IGF2BP1: variants seen among roughly 807,000 people sequenced by gnomAD.
The protein encoded by IGF2BP1 is insulin-like growth factor 2 mRNA-binding protein 1.
In IGF2BP1, 11 loss-of-function variants were observed where a neutral mutation model predicts 74.9. The observed-to-expected ratio is 0.15, with a 90% confidence interval of 0.09 to 0.24. IGF2BP1 has a LOEUF of 0.24. Ranked by LOEUF, IGF2BP1 falls within the 10% of genes least tolerant of loss-of-function variation. The pLI is 1.00. For synonymous variants in IGF2BP1, 287 were observed against 281.8 expected (o/e 1.02, Z -0.18); for missense variants, 440 against 757.4 (o/e 0.58, Z 4.92).
At chr17:49,028,769 GTC>G in intron 4 of IGF2BP1, among the ~76,000 whole-genome samples, 1 of 152,236 alleles carries the variant, frequency 6.6e-6, no homozygotes, top group Middle Eastern at 3.4e-3. Flanking sequence ...TGTGAGTGAG[GTC>G]CATTCTTTCT....
intron 10 of IGF2BP1, 136 bp from the exon 11 acceptor site, chr17:49,043,831 C>A: frequency 8.0e-7 from 1 of 1,256,726 alleles, no homozygotes; most frequent in Non-Finnish European, 1.1e-6. Context: ...AAAGAGCTCA[C>A]AGCATCCCTT....
rs554994741 is a variant in IGF2BP1, at chr17:49,055,056, C to T, written c.*5612C>T. The T allele has an allele frequency of 1.9e-4, 29 of 149,148 alleles. No homozygotes were observed. Among genetic ancestry groups the T allele is most frequent in the African/African-American group, 7.0e-4 (28 of 40,156 alleles). 9.2% of individuals were successfully genotyped at this position (149,148 alleles called of 1,614,324 possible). ...TAGATAAATTAGGTAGTGGCAGCTC[C>T]ACTTGCTTAGGTTAGGGGGGGAAAA... On this transcript the variant is annotated 3_prime_UTR_variant, in exon 15 of 15. Coordinates refer to ENST00000290341, the MANE Select transcript of IGF2BP1 (RefSeq NM_006546.4).
intron 2 of IGF2BP1, among the ~76,000 whole-genome samples, chr17:49,018,657 C>CA (rs200722102): frequency 0.027 from 3,466 of 127,168 alleles, 98 homozygotes; most frequent in African/African-American, 0.082. Context: ...GGAACTGTTT[C>CA]AAAAAAAAAA....
intron 2 of IGF2BP1, among the ~76,000 whole-genome samples, chr17:49,001,363 C>T (rs944134015): frequency 1.3e-5 from 2 of 152,052 alleles, no homozygotes; most frequent in Admixed American, 6.6e-5. Flanking sequence ...CTTGTATTTT[C>T]CTTATGAACT....
chr17:49,041,394 C>T lies in IGF2BP1; in HGVS notation c.835C>T (p.Leu279=), dbSNP rs776746635. The change falls in exon 8 of 15, where the codon CTG becomes TTG. Residue 279 remains leucine, a synonymous_variant. Coordinates refer to ENST00000290341, the MANE Select transcript of IGF2BP1 (RefSeq NM_006546.4). ...KDTKTADEVP[L]KILAHNNFVG... is the part of the protein sequence containing the mutation. ...CTTCCCAAGGGCTGACGAGGTTCCCCTGAAGATCCTGGCCCATAATAACTT... is the reference window on the plus strand; with the variant it reads ...CTTCCCAAGGGCTGACGAGGTTCCCTTGAAGATCCTGGCCCATAATAACTT... 4 of 1,614,002 alleles carry T rather than the reference C, an allele frequency of 2.5e-6. No individual in the cohort carries two copies. The highest frequency in any genetic ancestry group is 3.4e-6 in the Non-Finnish European group (4 of 1,180,014).
chr17:49,043,994 G>A lies in IGF2BP1; in HGVS notation c.1228G>A (p.Val410Met), dbSNP rs746705512. The A allele has an allele frequency of 1.9e-6, 3 of 1,614,098 alleles. No homozygotes were observed. Among genetic ancestry groups the A allele is most frequent in the Non-Finnish European group, 2.5e-6 (3 of 1,180,020 alleles). ...GGCTCCCGAGCAGGAGATGGTGCAGGTGTTTATCCCCGCCCAGGCAGTGGG... is the reference window on the plus strand; with the variant it reads ...GGCTCCCGAGCAGGAGATGGTGCAGATGTTTATCCCCGCCCAGGCAGTGGG... Reference protein sequence around the residue: ...MQAPEQEMVQVFIPAQAVGAI... With the variant: ...MQAPEQEMVQMFIPAQAVGAI... Residue 410 changes from valine to methionine, a missense_variant, in exon 11 of 15, where the codon GTG becomes ATG. Coordinates refer to ENST00000290341, the MANE Select transcript of IGF2BP1 (RefSeq NM_006546.4).
intron 7 of IGF2BP1, among the ~76,000 whole-genome samples, 175 bp from the exon 8 acceptor site, chr17:49,041,202 AT>A (rs2042048153): frequency 6.6e-6 from 1 of 152,198 alleles, no homozygotes; most frequent in African/African-American, 2.4e-5. Flanking sequence ...AATTGGCTTT[AT>A]TGATGTTCAA....
intron 6 of IGF2BP1, among the ~76,000 whole-genome samples, chr17:49,039,666 A>C (rs1396982868): frequency 6.6e-6 from 1 of 151,586 alleles, no homozygotes; most frequent in African/African-American, 2.4e-5. Flanking sequence ...GCCTCAAGTA[A>C]CCCACCCGCC....
At chr17:49,003,150 CAT>C (rs2041505709) in intron 2 of IGF2BP1, among the ~76,000 whole-genome samples, 1 of 152,102 alleles carries the variant, frequency 6.6e-6, no homozygotes, top group Non-Finnish European at 1.5e-5. Flanking sequence ...TGGAAAAAAA[CAT>C]AATTATGTTT....
At chr17:49,019,408 A>G (rs1437886024) in intron 2 of IGF2BP1, among the ~76,000 whole-genome samples, 3 of 152,190 alleles carry the variant, frequency 2.0e-5, no homozygotes, top group Admixed American at 6.5e-5. Flanking sequence ...ACTAGTTTCT[A>G]TTAATTTTGA....
intron 2 of IGF2BP1, among the ~76,000 whole-genome samples, chr17:49,023,842 T>C (rs1023451200): frequency 6.2e-4 from 94 of 151,790 alleles, no homozygotes; most frequent in African/African-American, 2.1e-3. Context: ...ACCCAGGGAT[T>C]AGCGCATTTA....
chr17:49,019,904 T>TTTTATATA (rs1202634132), intron 2 of IGF2BP1, among the ~76,000 whole-genome samples: 1 of 43,906 alleles, frequency 2.3e-5, no homozygotes, highest in Non-Finnish European at 4.2e-5. Flanking sequence ...CCTGGCTAAT[T>TTTTATATA]TATATATATA....
chr17:48,997,100 A>T (rs1269857708), upstream of IGF2BP1, among the ~76,000 whole-genome samples: 1 of 150,262 alleles, frequency 6.7e-6, no homozygotes, highest in African/African-American at 2.4e-5. The surrounding 1 kb of genome is among the most constrained non-coding windows in gnomAD (Gnocchi z 4.8). Flanking sequence ...TCTGGGCTGG[A>T]CCATCCTCCC....
chr17:49,036,128 G>T (rs955659032), intron 5 of IGF2BP1, among the ~76,000 whole-genome samples: 2 of 152,146 alleles, frequency 1.3e-5, no homozygotes, highest in Non-Finnish European at 2.9e-5. Context: ...CCGGCATAGC[G>T]CTTGGCAAGT....
intron 2 of IGF2BP1, among the ~76,000 whole-genome samples, chr17:48,999,453 AGTTT>A (rs796960928): frequency 3.9e-5 from 6 of 151,944 alleles, no homozygotes; most frequent in South Asian, 2.1e-4. Context: ...AACCTTGTGG[AGTTT>A]GTTTGTTCAA....
At chr17:49,017,181 C>T (rs1598134085) in intron 2 of IGF2BP1, among the ~76,000 whole-genome samples, 1 of 151,994 alleles carries the variant, frequency 6.6e-6, no homozygotes. Context: ...CACATGGAAC[C>T]CTCTTGTTGA....
intron 7 of IGF2BP1, among the ~76,000 whole-genome samples, chr17:49,040,646 TG>T (rs2042041463): frequency 1.3e-5 from 2 of 152,258 alleles, no homozygotes; most frequent in Admixed American, 1.3e-4. Context: ...TATGCACATG[TG>T]TTTTAGCTCA....
chr17:48,998,851 A>G (rs2041444359), intron 1 of IGF2BP1, among the ~76,000 whole-genome samples: 1 of 152,124 alleles, frequency 6.6e-6, no homozygotes, highest in Non-Finnish European at 1.5e-5. Context: ...CCAAATCGGG[A>G]TTCCAGAGCG....
chr17:49,026,707 T>G (rs1482395951), intron 4 of IGF2BP1, among the ~76,000 whole-genome samples, 190 bp downstream of exon 4: 1 of 131,048 alleles, frequency 7.6e-6, no homozygotes, highest in Non-Finnish European at 1.7e-5. Flanking sequence ...CTTCCTGCCT[T>G]CCTGCCTTCC....
Sources: allele counts gnomAD v4.1 joint callset (sites outside exome capture counted in the v4.1 genomes callset), GRCh38; gene constraint gnomAD v4.1.1; non-coding constraint Gnocchi (gnomAD v3.1); transcripts MANE v1.5; gene names NCBI Gene and HGNC (gene_info 2026-07-23, HGNC 2026-07-21).